Variants in SLC49A4 observed in about 807,000 individuals in gnomAD.
SLC49A4 encodes the protein solute carrier family 49 member 4.
SLC49A4 carries 36 observed loss-of-function variants against 50.6 expected under a neutral mutation model. The ratio of observed to expected loss-of-function variants is 0.71; its 90% CI spans 0.55 to 0.94. The LOEUF is 0.94. Among genes scored for constraint, SLC49A4 ranks in the 40% least tolerant of loss-of-function variants. The pLI is 0.00. For missense variants in SLC49A4, 503 were observed against 605.7 expected, an observed-to-expected ratio of 0.83 and a Z score of 1.78; for synonymous variants, 248 against 241.2, an observed-to-expected ratio of 1.03 and a Z score of -0.26.
chr3:122,797,771 A>G (rs1437565135), intron 1 of SLC49A4, among the ~76,000 whole-genome samples: 1 of 152,164 alleles, frequency 6.6e-6, no homozygotes. Flanking sequence ...ACTTGAGCCC[A>G]GGAGTTAGAG....
At chr3:122,828,382 A>G (rs1402816981) in intron 3 of SLC49A4, among the ~76,000 whole-genome samples, 1 of 152,212 alleles carries the variant, frequency 6.6e-6, no homozygotes, top group Non-Finnish European at 1.5e-5. Flanking sequence ...CAGCTTCTAA[A>G]TCAGAGCCTG....
At chr3:122,868,125 A>G (rs1418509595) in intron 7 of SLC49A4, among the ~76,000 whole-genome samples, 1 of 152,206 alleles carries the variant, frequency 6.6e-6, no homozygotes, top group South Asian at 2.1e-4. Context: ...CAAAAAAAAA[A>G]AAAAAGTATT....
intron 6 of SLC49A4, among the ~76,000 whole-genome samples, chr3:122,857,170 G>T (rs2107578539): frequency 6.7e-6 from 1 of 149,074 alleles, no homozygotes; most frequent in Non-Finnish European, 1.5e-5. Context: ...ATCCCTTTTT[G>T]ATGCAAAATG....
chr3:122,848,593 C>A (rs976070303), intron 5 of SLC49A4, among the ~76,000 whole-genome samples: 6 of 152,034 alleles, frequency 3.9e-5, no homozygotes, highest in Non-Finnish European at 8.8e-5. Flanking sequence ...GCAAAGATAC[C>A]TTCTATGTGT....
intron 2 of SLC49A4, among the ~76,000 whole-genome samples, chr3:122,824,795 C>T (rs1456803289): frequency 1.2e-4 from 17 of 141,332 alleles, no homozygotes; most frequent in African/African-American, 4.2e-4. Flanking sequence ...TGCAGTGGCA[C>T]AATCTCTGCT....
intron 4 of SLC49A4, among the ~76,000 whole-genome samples, chr3:122,835,838 C>T (rs1327092920): frequency 6.6e-6 from 1 of 152,044 alleles, no homozygotes; most frequent in Non-Finnish European, 1.5e-5. Flanking sequence ...ATGATATGAT[C>T]ATATACCTAA....
chr3:122,876,585 C>T (rs1937270878), intron 8 of SLC49A4, among the ~76,000 whole-genome samples: 1 of 152,204 alleles, frequency 6.6e-6, no homozygotes, highest in Admixed American at 6.5e-5. Flanking sequence ...ATGGGGTCAG[C>T]TGGCTGCTCA....
At chr3:122,817,677 C>T (rs1482880603) in intron 2 of SLC49A4, among the ~76,000 whole-genome samples, 1 of 151,084 alleles carries the variant, frequency 6.6e-6, no homozygotes, top group African/African-American at 2.4e-5. Flanking sequence ...ATCTCCTGGG[C>T]TCAAGCAATC....
At chr3:122,836,913 C>T (rs1936695247) in intron 4 of SLC49A4, among the ~76,000 whole-genome samples, 1 of 152,126 alleles carries the variant, frequency 6.6e-6, no homozygotes, top group Admixed American at 6.5e-5. Context: ...TTCTTATACA[C>T]CAATAGCAGA....
In SLC49A4 at chr3:122,795,547, C is replaced by T. The variant is rs1300910314; in HGVS notation, c.343+12C>T. The T allele has an allele frequency of 6.3e-7, 1 of 1,579,788 alleles. No individual in the cohort carries two copies. Among genetic ancestry groups the T allele is most frequent in the East Asian group, 2.3e-5 (1 of 43,048 alleles). ...CCTGGACAAGAGAGGTGAGGGGTCG[C>T]GGAGCGCCAGCCCGCGCTGTCTCTC... On this transcript the variant is annotated intron_variant, in intron 1 of 8. Coordinates refer to ENST00000261038, the MANE Select transcript of SLC49A4 (RefSeq NM_032839.3).
intron 4 of SLC49A4, among the ~76,000 whole-genome samples, chr3:122,836,719 C>T (rs1250401699): frequency 6.6e-6 from 1 of 152,048 alleles, no homozygotes; most frequent in African/African-American, 2.4e-5. Flanking sequence ...CCAGGGCAAT[C>T]AGGCAGGAGA....
At chr3:122,879,197 G>A in intron 8 of SLC49A4, 66 bp from the exon 9 acceptor site, 1 of 1,140,136 alleles carries the variant, frequency 8.8e-7, no homozygotes, top group Non-Finnish European at 1.3e-6. Flanking sequence ...ATTCCTTCCG[G>A]CATACAGGTG....
chr3:122,806,747 C>A, intron 1 of SLC49A4, 110 bp from the exon 2 acceptor site: 1 of 661,598 alleles, frequency 1.5e-6, no homozygotes, highest in Admixed American at 3.0e-5. Context: ...TACAGAAAAG[C>A]CATAATATTA....
intron 1 of SLC49A4, among the ~76,000 whole-genome samples, chr3:122,804,472 T>G (rs866857983): frequency 6.6e-6 from 1 of 152,238 alleles, no homozygotes; most frequent in South Asian, 2.1e-4. Context: ...TTTCCCTTGA[T>G]GAGCTGATAT....
Position 122,861,836 on chromosome 3 carries a change from C to T in SLC49A4, c.1138+1634C>T, listed in dbSNP as rs369097687. ...CCACCCTGGAGTGCCTCAGTAAGCT[C>T]ACAAGGGCAGCACAGGGATCTGCAA... On this transcript the variant is annotated intron_variant, in intron 7 of 8. Coordinates refer to ENST00000261038, the MANE Select transcript of SLC49A4 (RefSeq NM_032839.3). 1.2e-3 allele frequency among the ~76,000 whole-genome samples: 185 copies of T among 152,342 alleles called. 5 individuals carry two copies. In the South Asian group the frequency reaches 0.018, roughly 15 times the overall value.
Position 122,795,329 on chromosome 3 carries a change from G to A in SLC49A4, c.137G>A (p.Arg46Gln). The A allele has an allele frequency of 6.6e-7, 1 of 1,520,058 alleles. No individual in the cohort carries two copies. Among genetic ancestry groups the A allele is most frequent in the Non-Finnish European group, 8.7e-7 (1 of 1,145,682 alleles). 94.2% of individuals were successfully genotyped at this position (1,520,058 alleles called of 1,614,324 possible). The change falls in exon 1 of 9, where the codon CGG (arginine) becomes CAG (glutamine). Residue 46 changes from arginine to glutamine, a missense_variant. Transcript: ENST00000261038. Reference protein sequence around the residue: ...ALPAAVPGPGRVYGRRWLVLL... With the variant: ...ALPAAVPGPGQVYGRRWLVLL... The stretch of plus-strand genomic sequence containing the variant: ...CCCGCGGCGGTCCCGGGTCCCGGGC[G>A]GGTATACGGGCGCCGCTGGCTGGTG...
chr3:122,798,248 A>G (rs562919115), intron 1 of SLC49A4, among the ~76,000 whole-genome samples: 1 of 152,098 alleles, frequency 6.6e-6, no homozygotes. Flanking sequence ...TATTTTTATC[A>G]GGAGCATTTT....
intron 7 of SLC49A4, among the ~76,000 whole-genome samples, chr3:122,870,994 T>C (rs1937191391): frequency 6.7e-6 from 1 of 148,464 alleles, no homozygotes; most frequent in Admixed American, 6.6e-5. Context: ...AGCAAATATA[T>C]TGTGAACATG....
At chr3:122,837,048 A>G (rs1310886751) in intron 4 of SLC49A4, among the ~76,000 whole-genome samples, 3 of 152,224 alleles carry the variant, frequency 2.0e-5, no homozygotes, top group Admixed American at 6.5e-5. Flanking sequence ...ACCACTGCTC[A>G]ATGAAACAAA....
Sources: gnomAD v4.1 joint callset for allele counts (sites outside exome capture counted in the v4.1 genomes callset) on GRCh38, gnomAD v4.1.1 for gene constraint, MANE v1.5 for transcripts, NCBI Gene and HGNC (gene_info 2026-07-23, HGNC 2026-07-21) for gene names.